The following PRDX2 variants were observed in gnomAD, a reference collection of about 807,000 sequenced individuals.
PRDX2 encodes the protein peroxiredoxin-2.
Under a neutral mutation model 19.8 loss-of-function variants are expected in PRDX2, and 10 were observed. The ratio of observed to expected loss-of-function variants is 0.50; its 90% CI spans 0.31 to 0.86. PRDX2 has a LOEUF of 0.86. Among genes scored for constraint, PRDX2 ranks in the 40% least tolerant of loss-of-function variants. The pLI is 0.04. For missense variants in PRDX2, 226 were observed against 260.1 expected, an observed-to-expected ratio of 0.87 and a Z score of 0.90; for synonymous variants, 118 against 108.2, an observed-to-expected ratio of 1.09 and a Z score of -0.56.
intron 3 of PRDX2, 85 bp downstream of exon 3, chr19:12,800,831 G>T: frequency 6.4e-7 from 1 of 1,553,356 alleles, no homozygotes; most frequent in East Asian, 2.4e-5. Context: ...GGTTCCAGAG[G>T]TTGAGCAATG....
chr19:12,800,417 C>T lies in PRDX2; in HGVS notation c.258-118G>A, dbSNP rs893079120. The stretch of plus-strand genomic sequence containing the variant: ...GGAGATAAGGGGCTTTAGAGTAGGC[C>T]GCTGGGAGCCTCACCCACCCCACCC... On this transcript the variant is annotated intron_variant, in intron 3 of 5. Transcript: ENST00000301522. The T allele has an allele frequency of 3.3e-5, 44 of 1,337,610 alleles. No individual in the cohort carries two copies. The East Asian group carries it at 3.5e-4, about 11-fold the overall frequency. The allele number at this position is 1,337,610 out of a possible 1,614,324, so 82.9% of individuals were successfully genotyped here.
At chr19:12,798,236 A>G (rs1300995990) in intron 5 of PRDX2, among the ~76,000 whole-genome samples, 3 of 151,828 alleles carry the variant, frequency 2.0e-5, no homozygotes, top group South Asian at 2.1e-4. Flanking sequence ...TAGTAGAGAC[A>G]GGGTTTCACC....
intron 5 of PRDX2, among the ~76,000 whole-genome samples, chr19:12,799,251 G>A (rs536688004): frequency 1.3e-5 from 2 of 152,186 alleles, no homozygotes; most frequent in African/African-American, 4.8e-5. Flanking sequence ...AGGCTGGAGT[G>A]CAGTGGTGCG....
At chr19:12,800,859 C>G (rs751448343) in intron 3 of PRDX2, 57 bp downstream of exon 3, 1 of 1,562,448 alleles carries the variant, frequency 6.4e-7, no homozygotes. Flanking sequence ...AGCCACACTG[C>G]TAGGACCTGA....
At chr19:12,801,301 G>A (rs550721370) in intron 1 of PRDX2, 31 bp from the exon 2 acceptor site, 1 of 1,580,730 alleles carries the variant, frequency 6.3e-7, no homozygotes, top group African/African-American at 1.4e-5. Context: ...GTGCGCCCGG[G>A]AAGACACTTT....
At chr19:12,800,551 C>T in intron 3 of PRDX2, 1 of 823,926 alleles carries the variant, frequency 1.2e-6, no homozygotes, top group South Asian at 1.9e-5. Context: ...CATCACCCAG[C>T]AGAGAGCCTG....
chr19:12,799,188 C>T (rs150800649), intron 5 of PRDX2, among the ~76,000 whole-genome samples: 80 of 151,600 alleles, frequency 5.3e-4, no homozygotes, highest in Non-Finnish European at 1.0e-3. Flanking sequence ...CGTGAGCCAC[C>T]GCGCTCGGCC....
rs1968798039 is a variant in PRDX2 at position 12,796,851 on chromosome 19, C to T, written c.*230G>A. On this transcript the variant is annotated 3_prime_UTR_variant, in exon 6 of 6. Transcript: ENST00000301522. ...CTTTCCCTAATACTTTATTGGTTAC[C>T]TCTAGGCCTGTGTGCGGCTGGGTGG... 2 of 560,970 alleles carry T rather than the reference C, an allele frequency of 3.6e-6. No homozygotes were observed. 34.7% of individuals were successfully genotyped at this position (560,970 alleles called of 1,614,324 possible).
chr19:12,799,388 T>C (rs1357251037), intron 5 of PRDX2, among the ~76,000 whole-genome samples: 1 of 151,552 alleles, frequency 6.6e-6, no homozygotes, highest in African/African-American at 2.4e-5. Flanking sequence ...GAGACTGAGT[T>C]TTGCTCTGTT....
intron 3 of PRDX2, 134 bp from the exon 4 acceptor site, chr19:12,800,433 C>T: frequency 8.3e-7 from 1 of 1,207,132 alleles, no homozygotes; most frequent in South Asian, 1.5e-5. Flanking sequence ...GAGCCTCACC[C>T]ACCCCACCCT....
In PRDX2 at chr19:12,797,135, G is replaced by A; in HGVS notation, c.543C>T (p.Asp181=). The A allele has an allele frequency of 6.2e-7, 1 of 1,613,978 alleles. No homozygotes were observed. The highest frequency in any genetic ancestry group is 2.2e-5 in the East Asian group (1 of 44,896). ...VCPAGWKPGS[D]TIKPNVDDSK... is the part of the protein sequence containing the mutation. ...TGTCATCCACGTTGGGCTTAATCGT[G>A]TCACTGCCAGGCTTCCAGCCAGCGG... The change falls in exon 6 of 6, where the codon GAC becomes GAT. Residue 181 remains aspartate (D), a synonymous_variant. Coordinates refer to ENST00000301522, the MANE Select transcript of PRDX2 (RefSeq NM_005809.6).
intron 4 of PRDX2, 65 bp from the exon 5 acceptor site, chr19:12,800,054 T>A (rs1226807270): frequency 6.2e-7 from 1 of 1,603,008 alleles, no homozygotes; most frequent in East Asian, 2.2e-5. Flanking sequence ...AGGAAGGGAC[T>A]ACCAACCACC....
intron 5 of PRDX2, among the ~76,000 whole-genome samples, chr19:12,798,537 G>C (rs1165716864): frequency 6.6e-6 from 1 of 151,478 alleles, no homozygotes; most frequent in African/African-American, 2.4e-5. Context: ...TTTTAGTAGA[G>C]ACTGGGTTTC....
intron 3 of PRDX2, 135 bp downstream of exon 3, chr19:12,800,781 G>C (rs1189579242): frequency 6.5e-7 from 1 of 1,546,286 alleles, no homozygotes; most frequent in East Asian, 2.4e-5. Context: ...TAAAGACTTG[G>C]GCGGCAATGT....
rs1221503187 is a variant in PRDX2 at position 12,799,724 on chromosome 19, A to G, written c.511+135T>C. 5.6e-6 allele frequency: 7 copies of G among 1,244,690 alleles called. No homozygotes were observed. In the South Asian group the frequency reaches 9.0e-5, roughly 16 times the overall value. The allele number at this position is 1,244,690 out of a possible 1,614,324, so 77.1% of individuals were successfully genotyped here. ...TCCTACCACATTAGAAACATCCTGC[A>G]GACAAAGCCCTGAGCTGAATCTTCT... On this transcript the variant is annotated intron_variant, in intron 5 of 5. Transcript: ENST00000301522.
intron 5 of PRDX2, chr19:12,799,513 C>T (rs1049876294): frequency 9.3e-6 from 2 of 214,520 alleles, no homozygotes; most frequent in Non-Finnish European, 1.9e-5. Flanking sequence ...TGTGCACCAC[C>T]ACGGCCAGCT....
chr19:12,800,184 C>T lies in PRDX2; in HGVS notation c.373G>A (p.Ala125Thr), dbSNP rs775263418. Reference protein sequence around the residue: ...YGVLKTDEGIAYRGLFIIDGK... With the variant: ...YGVLKTDEGITYRGLFIIDGK... ...CTGAGGGTCCCACAGTACCTGTAGG[C>T]AATGCCCTCATCTGTTTTCAGCACG... Residue 125 changes from alanine to threonine, a missense_variant, in exon 4 of 6, where the codon GCC (alanine) becomes ACC (threonine). Physicochemically the swap from Ala to Thr is moderately conservative, Grantham distance 58. Coordinates refer to ENST00000301522, the MANE Select transcript of PRDX2 (RefSeq NM_005809.6). 6.2e-7 allele frequency: 1 copy of T among 1,613,784 alleles called. No homozygotes were observed. The highest frequency in any genetic ancestry group is 1.1e-5 in the South Asian group (1 of 91,060).
In PRDX2 at chr19:12,800,194, A is replaced by C; in HGVS notation, c.363T>G (p.Asp121Glu). The change falls in exon 4 of 6, where the codon GAT becomes GAG. Residue 121 changes from aspartate to glutamate, a missense_variant. Coordinates refer to ENST00000301522, the MANE Select transcript of PRDX2 (RefSeq NM_005809.6). Reference protein sequence around the residue: ...LSEDYGVLKTDEGIAYRGLFI... With the variant: ...LSEDYGVLKTEEGIAYRGLFI... The stretch of plus-strand genomic sequence containing the variant: ...CACAGTACCTGTAGGCAATGCCCTC[A>C]TCTGTTTTCAGCACGCCGTAATCCT... The C allele has an allele frequency of 6.2e-7, 1 of 1,613,814 alleles. No individual in the cohort carries two copies. Among genetic ancestry groups the C allele is most frequent in the Non-Finnish European group, 8.5e-7 (1 of 1,179,968 alleles).
Position 12,797,026 on chromosome 19 carries a change from G to T in PRDX2, c.*55C>A. ...GGGCACCCAGGTGGGGGCACAGGTG[G>T]ACACCCAGCACAGGCACCTAGGCAG... On this transcript the variant is annotated 3_prime_UTR_variant, in exon 6 of 6. Coordinates refer to ENST00000301522, the MANE Select transcript of PRDX2 (RefSeq NM_005809.6). 4 of 1,584,476 alleles carry T rather than the reference G, an allele frequency of 2.5e-6. No homozygotes were observed. In the South Asian group the frequency reaches 3.4e-5, roughly 13 times the overall value.
Sources: gnomAD v4.1 joint callset for allele counts (sites outside exome capture counted in the v4.1 genomes callset) on GRCh38, gnomAD v4.1.1 for gene constraint, MANE v1.5 for transcripts, NCBI Gene and HGNC (gene_info 2026-07-23, HGNC 2026-07-21) for gene names.